Variants in SCARB1 observed in about 807,000 individuals in gnomAD.
SCARB1 encodes CD36 and LIMPII analogous 1.
Under a neutral mutation model 57.2 loss-of-function variants are expected in SCARB1, and 30 were observed. That is an observed-to-expected ratio of 0.52 (90% CI 0.39 to 0.71). The LOEUF is 0.71. Ranked by LOEUF, SCARB1 falls within the 30% of genes least tolerant of loss-of-function variation. The pLI is 0.00. For synonymous variants in SCARB1, 249 were observed against 268.3 expected, an observed-to-expected ratio of 0.93 and a Z score of 0.70; for missense variants, 543 against 671.2, an observed-to-expected ratio of 0.81 and a Z score of 2.11.
intron 1 of SCARB1, among the ~76,000 whole-genome samples, chr12:124,858,524 A>G (rs1055237211): frequency 6.6e-6 from 1 of 152,040 alleles, no homozygotes; most frequent in Admixed American, 6.5e-5. Context: ...TGTGTGGCGC[A>G]TTCATCTGGC....
chr12:124,853,238 G>A (rs530701696), intron 1 of SCARB1, among the ~76,000 whole-genome samples: 3 of 152,322 alleles, frequency 2.0e-5, no homozygotes, highest in Middle Eastern at 3.4e-3. Flanking sequence ...CATGTGACAC[G>A]TTGGAGGAAA....
intron 1 of SCARB1, among the ~76,000 whole-genome samples, chr12:124,825,662 C>T (rs1032498857): frequency 1.3e-5 from 2 of 152,104 alleles, no homozygotes; most frequent in African/African-American, 4.8e-5. Context: ...CAGAGCGAGA[C>T]CCTGCCTTGA....
intron 1 of SCARB1, among the ~76,000 whole-genome samples, chr12:124,818,817 T>A (rs1160305946): frequency 6.6e-6 from 1 of 152,084 alleles, no homozygotes; most frequent in Admixed American, 6.6e-5. Context: ...GGTTAATTTT[T>A]GTTTTAGTTT....
chr12:124,840,111 C>T lies in SCARB1; in HGVS notation c.127-22404G>A, dbSNP rs1214086930. 2.4e-6 allele frequency: 3 copies of T among 1,231,646 alleles called. No individual in the cohort carries two copies. In the African/African-American group the frequency reaches 4.6e-5, roughly 19 times the overall value. The allele number at this position is 1,231,646 out of a possible 1,614,324, so 76.3% of individuals were successfully genotyped here. On this transcript the variant is annotated intron_variant, in intron 1 of 12. Transcript: ENST00000261693. ...ACCATCCTAATGGGTATGAGTGTGT[C>T]TCACTGATTCTCATTTCCCTAACGA...
At chr12:124,823,046 A>G (rs139953835) in intron 1 of SCARB1, among the ~76,000 whole-genome samples, 1 of 152,380 alleles carries the variant, frequency 6.6e-6, no homozygotes, top group East Asian at 1.9e-4. Context: ...ATATGTGCAT[A>G]CACATATAAT....
At chr12:124,829,326 C>T (rs10846747) in intron 1 of SCARB1, among the ~76,000 whole-genome samples, 58,518 of 152,068 alleles carry the variant, frequency 0.38, 11,511 homozygotes, top group Non-Finnish European at 0.43. Context: ...GTAGTTTCCC[C>T]GCTGTTTTCC....
chr12:124,817,142 GTGTATGTGTGTGTA>G lies in SCARB1; in HGVS notation c.284+394_284+407del, dbSNP rs1320231316. On this transcript the variant is annotated intron_variant, in intron 2 of 12. Transcript: ENST00000261693. This position sits in a 1 kb window ranked among gnomAD's most constrained non-coding sequence, Gnocchi z 4.8. ...TATGTATGTATGTGTGTATGTGTATGTGTATGTGTGTGTATGTATGTGTGTAACTCACACATGCA... is the reference window on the plus strand; with the variant it reads ...TATGTATGTATGTGTGTATGTGTATGTGTATGTGTGTAACTCACACATGCA... Among the ~76,000 whole-genome samples the G allele has an allele frequency of 1.3e-5, 2 of 151,362 alleles. No homozygotes were observed. The highest frequency in any genetic ancestry group is 2.9e-5 in the Non-Finnish European group (2 of 67,830).
rs1255882837 is a variant in SCARB1, at chr12:124,796,605, G to C, written c.1129-1337C>G. ...ACTCTCCCGACCTGACAGAATTTTTGCAAGAGCAAAAGTAAGGTATGCAAG... is the reference window on the plus strand; with the variant it reads ...ACTCTCCCGACCTGACAGAATTTTTCCAAGAGCAAAAGTAAGGTATGCAAG... On this transcript the variant is annotated intron_variant, in intron 8 of 12. Transcript: ENST00000261693. This position sits in a 1 kb window ranked among gnomAD's most constrained non-coding sequence, Gnocchi z 4.0. Among the ~76,000 whole-genome samples, 1 of 152,182 alleles carries C rather than the reference G, an allele frequency of 6.6e-6. No homozygotes were observed. Among genetic ancestry groups the C allele is most frequent in the Non-Finnish European group, 1.5e-5 (1 of 68,042 alleles).
In SCARB1 at chr12:124,831,810, C is replaced by T. The variant is rs577948300; in HGVS notation, c.127-14103G>A. Among the ~76,000 whole-genome samples the T allele has an allele frequency of 1.1e-4, 16 of 152,334 alleles. No individual in the cohort carries two copies. The South Asian group carries it at 1.2e-3, about 12-fold the overall frequency. On this transcript the variant is annotated intron_variant, in intron 1 of 12. Transcript: ENST00000261693. ...ACATAATGTGCTGGGAACAGCCCTT[C>T]GTCACTGCGATCTTCCTTCCAAAAC... is the stretch of plus-strand genomic sequence containing the variant.
At chr12:124,803,733 A>G (rs1015600866) in intron 7 of SCARB1, among the ~76,000 whole-genome samples, 5 of 150,430 alleles carry the variant, frequency 3.3e-5, no homozygotes, top group Non-Finnish European at 7.4e-5. Context: ...AAGATAAAAT[A>G]AATTAGCCAG....
chr12:124,828,145 CAG>C (rs1327013506), intron 1 of SCARB1, among the ~76,000 whole-genome samples: 3 of 151,648 alleles, frequency 2.0e-5, no homozygotes, highest in African/African-American at 4.8e-5. Context: ...TTTAAATACA[CAG>C]AGAGTACCGC....
intron 1 of SCARB1, among the ~76,000 whole-genome samples, chr12:124,840,148 C>T (rs112916213): frequency 0.032 from 4,937 of 152,126 alleles, 506 homozygotes; most frequent in East Asian, 0.24. Flanking sequence ...GAGCGAGTGT[C>T]GCTGAGCACA....
At chr12:124,790,318 C>T (rs187619228) in intron 9 of SCARB1, among the ~76,000 whole-genome samples, 101 of 152,300 alleles carry the variant, frequency 6.6e-4, no homozygotes, top group Middle Eastern at 3.4e-3. Flanking sequence ...GCCAAGGCTG[C>T]AGTGAACTAT....
At chr12:124,806,731 T>C (rs181249153) in intron 7 of SCARB1, among the ~76,000 whole-genome samples, 12 of 148,846 alleles carry the variant, frequency 8.1e-5, no homozygotes, top group African/African-American at 2.0e-4. Flanking sequence ...AACATCTCTA[T>C]AAAAACTTTA....
In SCARB1 at chr12:124,810,737, ACT is replaced by A. The variant is rs1224716187; in HGVS notation, c.727-450_727-449del. On this transcript the variant is annotated intron_variant, in intron 5 of 12. Transcript: ENST00000261693. This position sits in a 1 kb window ranked among gnomAD's most constrained non-coding sequence, Gnocchi z 4.0. ...AAAACAGAACCTGTCAGGTTAACTG[ACT>A]CTGGGGAGCGAGACCCAGACTCGAC... Among the ~76,000 whole-genome samples the A allele has an allele frequency of 1.3e-5, 2 of 152,164 alleles. No individual in the cohort carries two copies. The highest frequency in any genetic ancestry group is 4.8e-5 in the African/African-American group (2 of 41,438).
intron 6 of SCARB1, among the ~76,000 whole-genome samples, chr12:124,808,911 A>C (rs34570542): frequency 1.9e-4 from 29 of 152,342 alleles, no homozygotes; most frequent in African/African-American, 5.5e-4. Flanking sequence ...AAAATACATT[A>C]TTAAAAATAA....
intron 11 of SCARB1, chr12:124,784,033 C>T (rs1375966650): frequency 1.3e-5 from 2 of 152,164 alleles, no homozygotes; most frequent in South Asian, 2.1e-4. Flanking sequence ...CTTCCCTGTC[C>T]CCATTCTGGT....
chr12:124,799,059 C>T (rs1213025924), intron 8 of SCARB1, among the ~76,000 whole-genome samples: 1 of 152,096 alleles, frequency 6.6e-6, no homozygotes, highest in Non-Finnish European at 1.5e-5. Context: ...GTATTGTAAG[C>T]TTGAAAGTTG....
intron 8 of SCARB1, among the ~76,000 whole-genome samples, chr12:124,797,667 G>A (rs567936016): frequency 1.3e-5 from 2 of 152,296 alleles, no homozygotes; most frequent in East Asian, 1.9e-4. Context: ...CACTGAGAGC[G>A]CACAGGAGAC....
Sources: gnomAD v4.1 joint callset for allele counts (sites outside exome capture counted in the v4.1 genomes callset) on GRCh38, gnomAD v4.1.1 for gene constraint, Gnocchi (gnomAD v3.1) non-coding constraint, MANE v1.5 for transcripts, NCBI Gene and HGNC (gene_info 2026-07-23, HGNC 2026-07-21) for gene names.